CNBD2: variants seen among roughly 807,000 people sequenced by gnomAD.
CNBD2 encodes cyclic nucleotide-binding domain-containing protein 2.
Under a neutral mutation model 63.7 loss-of-function variants are expected in CNBD2, and 64 were observed. The observed-to-expected ratio is 1.00, with a 90% confidence interval of 0.82 to 1.24. The LOEUF is 1.24. Among genes scored for constraint, CNBD2 ranks in the 50% most tolerant of loss-of-function variants. The pLI is 0.00. For missense variants in CNBD2, 691 were observed against 713.5 expected (o/e 0.97, Z 0.36); for synonymous variants, 229 against 255.4 (o/e 0.90, Z 0.99).
chr20:36,024,548 G>C (rs912556758), intron 11 of CNBD2, among the ~76,000 whole-genome samples: 4 of 152,032 alleles, frequency 2.6e-5, no homozygotes, highest in Non-Finnish European at 5.9e-5. Context: ...AGAATCACTT[G>C]AACCTGGGAG....
chr20:35,960,958 T>TGGA (rs1326157640), intron 2 of CNBD2, among the ~76,000 whole-genome samples: 40 of 147,808 alleles, frequency 2.7e-4, no homozygotes, highest in African/African-American at 9.6e-4. Context: ...TTTTCTTTCC[T>TGGA]CTCGCTCTGT....
At chr20:35,971,199 G>A (rs1384104742) in intron 1 of CNBD2, among the ~76,000 whole-genome samples, 10 of 151,944 alleles carry the variant, frequency 6.6e-5, no homozygotes. Flanking sequence ...CGCCCGCCTC[G>A]GCCTCCCAAA....
At chr20:36,021,426 A>G (rs1394071635) in intron 10 of CNBD2, among the ~76,000 whole-genome samples, 1 of 152,234 alleles carries the variant, frequency 6.6e-6, no homozygotes, top group East Asian at 1.9e-4. Flanking sequence ...GAGGGAACGA[A>G]AAGAAAGAAT....
intron 8 of CNBD2, among the ~76,000 whole-genome samples, chr20:35,997,652 T>C (rs1478023018): frequency 6.6e-6 from 1 of 152,226 alleles, no homozygotes; most frequent in African/African-American, 2.4e-5. Context: ...AGGATTGTAA[T>C]GACATTAAGC....
intron 1 of CNBD2, among the ~76,000 whole-genome samples, chr20:35,970,886 T>C (rs1046150292): frequency 6.6e-6 from 1 of 152,096 alleles, no homozygotes; most frequent in African/African-American, 2.4e-5. Flanking sequence ...TAGCTAACGA[T>C]GTACTTTTCA....
chr20:36,010,863 T>C (rs2057049348), intron 9 of CNBD2, among the ~76,000 whole-genome samples: 1 of 152,154 alleles, frequency 6.6e-6, no homozygotes, highest in African/African-American at 2.4e-5. Context: ...CTTGGCTGCA[T>C]GGGATCATCA....
chr20:35,991,877 C>A (rs1054083287), intron 7 of CNBD2, among the ~76,000 whole-genome samples: 1 of 151,960 alleles, frequency 6.6e-6, no homozygotes. Flanking sequence ...CTCATTTCTT[C>A]TTCTTTTATT....
chr20:36,004,030 C>T (rs1468648414), intron 8 of CNBD2, among the ~76,000 whole-genome samples: 1 of 152,164 alleles, frequency 6.6e-6, no homozygotes, highest in African/African-American at 2.4e-5. Context: ...AGTTTCATGA[C>T]ATGTTTCCCC....
chr20:35,969,161 C>T (rs750441734), intron 1 of CNBD2, among the ~76,000 whole-genome samples: 5 of 152,136 alleles, frequency 3.3e-5, no homozygotes, highest in Non-Finnish European at 7.4e-5. Context: ...GGTTTAAATC[C>T]CTATCACCTA....
At position 36,023,661 on chromosome 20, in the gene CNBD2, G is replaced by C. The variant is rs751949780; in HGVS notation, c.1329G>C (p.Met443Ile). 35 of 1,613,876 alleles carry C rather than the reference G, an allele frequency of 2.2e-5. No individual in the cohort carries two copies. Among genetic ancestry groups the C allele is most frequent in the Non-Finnish European group, 2.5e-5 (30 of 1,179,950 alleles). Reference sequence around the variant, plus strand: ...GCGACACACGACCCTTGATCCTGATGAGCCTGGGAAATGAGTTGATACGGA... The same window carrying C: ...GCGACACACGACCCTTGATCCTGATCAGCCTGGGAAATGAGTTGATACGGA... Reference protein sequence around the residue: ...GECDTRPLILMSLGNELIRIR... With the variant: ...GECDTRPLILISLGNELIRIR... The change falls in exon 11 of 12, where the codon ATG (methionine) becomes ATC (isoleucine). Residue 443 changes from methionine to isoleucine, a missense_variant. By Grantham distance (10) the Met-to-Ile change is conservative. Coordinates refer to ENST00000373973, the MANE Select transcript of CNBD2 (RefSeq NM_001365709.1).
At chr20:35,997,858 A>G (rs2056845489) in intron 8 of CNBD2, among the ~76,000 whole-genome samples, 1 of 152,070 alleles carries the variant, frequency 6.6e-6, no homozygotes, top group Non-Finnish European at 1.5e-5. Context: ...TCCACCAGAG[A>G]AAAAGTTGCA....
At chr20:35,972,592 ATGGTTTC>A in intron 1 of CNBD2, 30 bp from the exon 2 acceptor site, 1 of 1,609,476 alleles carries the variant, frequency 6.2e-7, no homozygotes, top group Non-Finnish European at 8.5e-7. Flanking sequence ...TTGAGAACAG[ATGGTTTC>A]TATTGATCTT....
In CNBD2 at chr20:36,020,587, A is replaced by T. The variant is rs140632261; in HGVS notation, c.1270-3015A>T. On this transcript the variant is annotated intron_variant, in intron 10 of 11. Transcript: ENST00000373973. ...TCATTGCTATTGTAATTATAAGATGATTGACCGTGGATAGGTAAATTTCCT... is the reference window on the plus strand; with the variant it reads ...TCATTGCTATTGTAATTATAAGATGTTTGACCGTGGATAGGTAAATTTCCT... 1.4e-3 allele frequency among the ~76,000 whole-genome samples: 217 copies of T among 152,326 alleles called. 2 individuals are homozygous for T. The highest frequency in any genetic ancestry group is 4.8e-3 in the African/African-American group (199 of 41,576).
intron 7 of CNBD2, among the ~76,000 whole-genome samples, chr20:35,990,722 G>A (rs1217806442): frequency 2.6e-5 from 4 of 152,076 alleles, no homozygotes; most frequent in South Asian, 2.1e-4. Flanking sequence ...AGGCCGAGGC[G>A]GGTGGATCAC....
At chr20:35,962,506 T>C (rs1010343771) in intron 2 of CNBD2, among the ~76,000 whole-genome samples, 1 of 152,042 alleles carries the variant, frequency 6.6e-6, no homozygotes, top group African/African-American at 2.4e-5. Context: ...GTGATCCGCC[T>C]GTCTTGGACT....
chr20:35,980,769 C>A (rs1243940702), intron 4 of CNBD2, 147 bp downstream of exon 4: 1 of 679,524 alleles, frequency 1.5e-6, no homozygotes, highest in Non-Finnish European at 2.5e-6. Context: ...TCAGCTCCCA[C>A]TGCTATGGTC....
downstream of CNBD2, among the ~76,000 whole-genome samples, chr20:35,958,482 G>T (rs2056279268): frequency 6.6e-6 from 1 of 152,106 alleles, no homozygotes; most frequent in Non-Finnish European, 1.5e-5. Context: ...TTCATAGAAG[G>T]TTGCAAAAAT....
intron 8 of CNBD2, among the ~76,000 whole-genome samples, chr20:36,002,188 A>G (rs1315510433): frequency 1.3e-5 from 2 of 152,216 alleles, no homozygotes; most frequent in African/African-American, 2.4e-5. Flanking sequence ...CGCGGTTAGG[A>G]GCTGGAGACC....
At chr20:35,968,190 G>T (rs2056363520), upstream of CNBD2, among the ~76,000 whole-genome samples, 3 of 152,202 alleles carry the variant, frequency 2.0e-5, no homozygotes, top group African/African-American at 7.2e-5. Flanking sequence ...AAATTAAGGG[G>T]CAGGTTAATG....
Sources: gnomAD v4.1 joint callset for allele counts (sites outside exome capture counted in the v4.1 genomes callset) on GRCh38, gnomAD v4.1.1 for gene constraint, MANE v1.5 for transcripts, NCBI Gene and HGNC (gene_info 2026-07-23, HGNC 2026-07-21) for gene names.